Variants in BIRC6 observed in about 807,000 individuals in gnomAD.
The protein encoded by BIRC6 is baculoviral IAP repeat containing 6.
A neutral mutation model predicts 503.3 loss-of-function variants in BIRC6; 98 were observed. The observed-to-expected ratio is 0.19, with a 90% confidence interval of 0.17 to 0.23. The LOEUF (loss-of-function observed/expected upper bound fraction) is 0.23, where lower values mean the gene tolerates loss of function less well. Ranked by LOEUF, BIRC6 falls within the 10% of genes least tolerant of loss-of-function variation. BIRC6 has a pLI of 1.00. For missense variants in BIRC6, 5,360 were observed against 5,806.0 expected (o/e 0.92, Z 2.50); for synonymous variants, 2,240 against 2,078.7 (o/e 1.08, Z -2.11).
intron 73 of BIRC6, among the ~76,000 whole-genome samples, chr2:32,612,609 C>T (rs1436138593): frequency 2.0e-5 from 3 of 152,096 alleles, no homozygotes; most frequent in Non-Finnish European, 4.4e-5. Flanking sequence ...CTTTTCAGGA[C>T]ATGTACAGAA....
At chr2:32,472,243 A>T (rs1558824410) in intron 32 of BIRC6, among the ~76,000 whole-genome samples, 2 of 152,040 alleles carry the variant, frequency 1.3e-5, no homozygotes, top group African/African-American at 4.8e-5. Flanking sequence ...ATTGTTTTGT[A>T]TTTTTAGTAG....
rs187628242 is a variant in BIRC6, at chr2:32,584,742, G to C, written c.13356-9173G>C. ...AGTAGTTCTTTATTTTATTTCAGAGGAATTGTTTAAGAGGCTTATTTCCTC... is the reference window on the plus strand; with the variant it reads ...AGTAGTTCTTTATTTTATTTCAGAGCAATTGTTTAAGAGGCTTATTTCCTC... On this transcript the variant is annotated intron_variant, in intron 66 of 73. Coordinates refer to ENST00000421745, the MANE Select transcript of BIRC6 (RefSeq NM_016252.4). Among the ~76,000 whole-genome samples, 67 of 151,978 alleles carry C rather than the reference G, an allele frequency of 4.4e-4. 2 individuals carry two copies. The highest frequency in any genetic ancestry group is 2.4e-4 in the African/African-American group (10 of 41,464).
intron 63 of BIRC6, among the ~76,000 whole-genome samples, chr2:32,547,422 A>G (rs1165704709): frequency 1.3e-5 from 2 of 152,038 alleles, no homozygotes; most frequent in African/African-American, 4.8e-5. Flanking sequence ...CCATGCATTT[A>G]CCTATTTTGG....
chr2:32,458,351 G>A (rs1169851907), intron 23 of BIRC6, among the ~76,000 whole-genome samples: 1 of 151,956 alleles, frequency 6.6e-6, no homozygotes, highest in African/African-American at 2.4e-5. Context: ...ACAGCTTTAG[G>A]GAAATAGCCA....
At chr2:32,393,390 T>C (rs1319874448) in intron 5 of BIRC6, among the ~76,000 whole-genome samples, 3 of 152,184 alleles carry the variant, frequency 2.0e-5, no homozygotes, top group African/African-American at 7.2e-5. Context: ...ATGTAATATG[T>C]TATTTAATAG....
chr2:32,585,417 T>A (rs2060963034), intron 66 of BIRC6, among the ~76,000 whole-genome samples: 1 of 152,022 alleles, frequency 6.6e-6, no homozygotes, highest in Admixed American at 6.6e-5. Flanking sequence ...TCTCACTCTG[T>A]CACCCAGTCT....
At chr2:32,609,784 A>C (rs1377062349) in intron 72 of BIRC6, among the ~76,000 whole-genome samples, 1 of 151,840 alleles carries the variant, frequency 6.6e-6, no homozygotes, top group African/African-American at 2.4e-5. Context: ...TGTTTTATGC[A>C]TATCATTTTT....
intron 33 of BIRC6, among the ~76,000 whole-genome samples, chr2:32,474,356 G>T (rs1016682221): frequency 2.0e-5 from 3 of 152,112 alleles, no homozygotes; most frequent in Admixed American, 6.5e-5. Context: ...GTAGTAATTT[G>T]TATCTTTTAA....
intron 71 of BIRC6, among the ~76,000 whole-genome samples, chr2:32,607,177 CTAT>C (rs3835882): frequency 0.15 from 17,473 of 119,454 alleles, 1,038 homozygotes; most frequent in African/African-American, 0.17. Flanking sequence ...TTCTTCATAT[CTAT>C]TATTATTATT....
chr2:32,422,917 G>T (rs1225096261), intron 10 of BIRC6, among the ~76,000 whole-genome samples: 1 of 151,888 alleles, frequency 6.6e-6, no homozygotes, highest in Non-Finnish European at 1.5e-5. Flanking sequence ...AAGTTCCTTG[G>T]TGCACATATG....
rs200879850 is a variant in BIRC6 at position 32,595,206 on chromosome 2, T to A, written c.13612+62T>A. ...TTCCATTTTTTTTTAACAGTGCTATTGAAATGTGTTTTAGCAAATTAAAGA... is the reference window on the plus strand; with the variant it reads ...TTCCATTTTTTTTTAACAGTGCTATAGAAATGTGTTTTAGCAAATTAAAGA... On this transcript the variant is annotated intron_variant, in intron 68 of 73. Transcript: ENST00000421745. 4.1e-3 allele frequency: 4,154 copies of A among 1,015,224 alleles called. 7 individuals carry two copies. The highest frequency in any genetic ancestry group is 5.5e-3 in the Non-Finnish European group (3,772 of 686,554). 62.9% of individuals were successfully genotyped at this position (1,015,224 alleles called of 1,614,324 possible). A position where few individuals can be genotyped will look rare whatever the true frequency, so the allele number is the denominator to read the frequency against.
Position 32,618,308 on chromosome 2 carries a change from C to G in BIRC6, c.*404C>G, listed in dbSNP as rs75825217. ...TCTTACAACTACTATTTAAAGTCAG[C>G]AACTTTTCACTGAATTTGATAGATT... On this transcript the variant is annotated 3_prime_UTR_variant, in exon 74 of 74. Transcript: ENST00000421745. 266 of 152,804 alleles carry G rather than the reference C, an allele frequency of 1.7e-3. No homozygotes were observed. Among genetic ancestry groups the G allele is most frequent in the African/African-American group, 5.4e-3 (221 of 41,260 alleles). 9.5% of individuals were successfully genotyped at this position (152,804 alleles called of 1,614,324 possible).
intron 45 of BIRC6, among the ~76,000 whole-genome samples, chr2:32,498,910 T>C (rs2052814935): frequency 6.6e-6 from 1 of 152,208 alleles, no homozygotes; most frequent in Non-Finnish European, 1.5e-5. Flanking sequence ...CAATGAGGTT[T>C]CACCATGTTG....
intron 50 of BIRC6, chr2:32,505,438 T>C: frequency 2.2e-6 from 1 of 453,792 alleles, no homozygotes; most frequent in East Asian, 3.9e-5. Flanking sequence ...GTTCCAGTTA[T>C]ATATTATTTC....
chr2:32,583,770 G>C (rs138455920), intron 66 of BIRC6, among the ~76,000 whole-genome samples: 6 of 152,022 alleles, frequency 3.9e-5, no homozygotes, highest in Non-Finnish European at 8.8e-5. Context: ...TCACTCTGTC[G>C]CCCAGGCTGG....
chr2:32,586,232 T>C (rs1184222969), intron 66 of BIRC6, among the ~76,000 whole-genome samples: 1 of 151,558 alleles, frequency 6.6e-6, no homozygotes, highest in Admixed American at 6.6e-5. Flanking sequence ...TACAACTTAC[T>C]CTGTTACTTA....
intron 72 of BIRC6, among the ~76,000 whole-genome samples, chr2:32,608,016 A>G (rs2062588514): frequency 6.9e-6 from 1 of 145,264 alleles, no homozygotes; most frequent in South Asian, 2.2e-4. Flanking sequence ...TTTAAAATAT[A>G]GTTTGTTAGT....
chr2:32,380,350 T>C (rs2037442352), intron 3 of BIRC6, 60 bp downstream of exon 3: 3 of 1,489,126 alleles, frequency 2.0e-6, no homozygotes, highest in Non-Finnish European at 2.7e-6. Context: ...CTCCATTCTT[T>C]TGCACTTTCC....
chr2:32,579,955 GT>G (rs566605734), intron 66 of BIRC6, among the ~76,000 whole-genome samples: 2,176 of 132,650 alleles, frequency 0.016, 29 homozygotes, highest in African/African-American at 0.055. Flanking sequence ...AACCAGGCAG[GT>G]TTTTTTTTTT....
Sources: gnomAD v4.1 joint callset for allele counts (sites outside exome capture counted in the v4.1 genomes callset) on GRCh38, gnomAD v4.1.1 for gene constraint, MANE v1.5 for transcripts, NCBI Gene and HGNC (gene_info 2026-07-23, HGNC 2026-07-21) for gene names.